RNF213: variants seen among roughly 807,000 people sequenced by gnomAD.
The protein encoded by RNF213 is ring finger protein 213, also known as E3 ubiquitin-protein ligase RNF213.
Under a neutral mutation model 514.4 loss-of-function variants are expected in RNF213, and 341 were observed. The ratio of observed to expected loss-of-function variants is 0.66; its 90% CI spans 0.61 to 0.73. The LOEUF (loss-of-function observed/expected upper bound fraction) is 0.73. Ranked by LOEUF, RNF213 falls within the 30% of genes least tolerant of loss-of-function variation. The pLI is 0.00. For missense variants in RNF213, 5,767 were observed against 6,615.6 expected (o/e 0.87, Z 4.45); for synonymous variants, 2,655 against 2,658.2 (o/e 1.00, Z 0.04).
At chr17:80,266,291 G>GA (rs958622210) in intron 2 of RNF213, among the ~76,000 whole-genome samples, 12 of 136,488 alleles carry the variant, frequency 8.8e-5, no homozygotes, top group Admixed American at 4.2e-4. Flanking sequence ...AAAAAAAAAA[G>GA]AAAAAAAAAT....
At chr17:80,363,478 T>A in intron 40 of RNF213, 131 bp from the exon 41 acceptor site, 1 of 1,243,152 alleles carries the variant, frequency 8.0e-7, no homozygotes, top group Non-Finnish European at 1.2e-6. Context: ...CTGACGCTTC[T>A]CACATCCTAG....
chr17:80,308,320 G>A (rs1040712312), intron 13 of RNF213, among the ~76,000 whole-genome samples: 7 of 151,874 alleles, frequency 4.6e-5, no homozygotes, highest in Admixed American at 4.6e-4. Flanking sequence ...CTCAGCCCAG[G>A]GAGTCCTTTC....
Position 80,346,048 on chromosome 17 carries a change from G to A in RNF213, c.7713G>A (p.Leu2571=). The change falls in exon 29 of 68, where the codon CTG becomes CTA. Residue 2571 remains leucine (L), a synonymous_variant. Coordinates refer to ENST00000582970, the MANE Select transcript of RNF213 (RefSeq NM_001256071.3). The surrounding 1 kb of genome is among the most constrained non-coding windows in gnomAD (Gnocchi z 8.1). ...AGCTGGTATACCGGGTCCATGCTCTGCCCCCGAGCCTGATTCCTCTGGTGT... is the reference window on the plus strand; with the variant it reads ...AGCTGGTATACCGGGTCCATGCTCTACCCCCGAGCCTGATTCCTCTGGTGT... ...LRQLVYRVHA[L]PPSLIPLVWD... 6.2e-7 allele frequency: 1 copy of A among 1,614,098 alleles called. No homozygotes were observed. The highest frequency in any genetic ancestry group is 8.5e-7 in the Non-Finnish European group (1 of 1,180,014).
intron 3 of RNF213, among the ~76,000 whole-genome samples, chr17:80,275,490 GT>G (rs2044021055): frequency 6.6e-6 from 1 of 151,940 alleles, no homozygotes; most frequent in Non-Finnish European, 1.5e-5. Flanking sequence ...ATTTTGAAAA[GT>G]TTCCATGAAT....
At chr17:80,351,544 T>A (rs1366018232) in intron 31 of RNF213, 141 bp from the exon 32 acceptor site, 1 of 611,362 alleles carries the variant, frequency 1.6e-6, no homozygotes, top group Non-Finnish European at 3.0e-6. Flanking sequence ...GTAAAACTCA[T>A]CGGAACGGGT....
Position 80,264,517 on chromosome 17 carries a change from A to G in RNF213, c.97+739A>G, listed in dbSNP as rs1598872487. Among the ~76,000 whole-genome samples the G allele has an allele frequency of 6.6e-6, 1 of 152,022 alleles. No homozygotes were observed. The highest frequency in any genetic ancestry group is 1.9e-4 in the East Asian group (1 of 5,144). On this transcript the variant is annotated intron_variant, in intron 2 of 67. Transcript: ENST00000582970. The surrounding 1 kb of genome is among the most constrained non-coding windows in gnomAD (Gnocchi z 5.0). ...CAACCCTAAAACTAGCAGCCCCCAG[A>G]CCTTCAGCCTTTCTGTGTCCAAAGC...
In RNF213 at chr17:80,369,883, A is replaced by G. The variant is rs574925933; in HGVS notation, c.12425+16A>G. The G allele has an allele frequency of 2.3e-5, 36 of 1,547,168 alleles. No individual in the cohort carries two copies. The Admixed American group carries it at 5.0e-4, about 22-fold the overall frequency. On this transcript the variant is annotated intron_variant, in intron 46 of 67. Coordinates refer to ENST00000582970, the MANE Select transcript of RNF213 (RefSeq NM_001256071.3). The stretch of plus-strand genomic sequence containing the variant: ...TGAAGTACAGGTAAGAACAACATGG[A>G]GACTTGCTTCTGGAAAGCCCTGGCT...
At chr17:80,284,296 G>A (rs953240666) in intron 3 of RNF213, among the ~76,000 whole-genome samples, 5 of 151,994 alleles carry the variant, frequency 3.3e-5, no homozygotes, top group African/African-American at 1.2e-4. Context: ...CTGGGGAGGC[G>A]GAGGTTGCAA....
chr17:80,283,661 C>G (rs1964068355), intron 3 of RNF213, among the ~76,000 whole-genome samples: 1 of 152,160 alleles, frequency 6.6e-6, no homozygotes, highest in Admixed American at 6.5e-5. Flanking sequence ...AGGTCTGAGC[C>G]CTTTGCTACA....
chr17:80,274,852 T>G (rs1598895255), intron 3 of RNF213, among the ~76,000 whole-genome samples: 1 of 36,522 alleles, frequency 2.7e-5, no homozygotes, highest in Non-Finnish European at 5.1e-5. Context: ...GTGAGTGGGG[T>G]GTGTGTTGGG....
In RNF213 at chr17:80,393,840, C is replaced by T; in HGVS notation, c.*342C>T. ...GCCACACACGCAGTAATGACCTGTGCCCGTTCGCCTCTGGCACTGCCCACC... is the reference window on the plus strand; with the variant it reads ...GCCACACACGCAGTAATGACCTGTGTCCGTTCGCCTCTGGCACTGCCCACC... On this transcript the variant is annotated 3_prime_UTR_variant, in exon 68 of 68. Coordinates refer to ENST00000582970, the MANE Select transcript of RNF213 (RefSeq NM_001256071.3). 1 of 292,246 alleles carries T rather than the reference C, an allele frequency of 3.4e-6. No homozygotes were observed. The allele number at this position is 292,246 out of a possible 1,614,324, so 18.1% of individuals were successfully genotyped here.
intron 35 of RNF213, 84 bp downstream of exon 35, chr17:80,354,250 G>A: frequency 1.3e-6 from 2 of 1,538,290 alleles, no homozygotes; most frequent in Non-Finnish European, 1.8e-6. Context: ...TGTGTTGGGG[G>A]ACACCCTCTC....
chr17:80,271,954 T>C (rs1316470071), intron 2 of RNF213, among the ~76,000 whole-genome samples: 2 of 151,364 alleles, frequency 1.3e-5, no homozygotes, highest in Admixed American at 1.3e-4. Flanking sequence ...CACTCCAGCC[T>C]GGGTGACAGA....
chr17:80,277,134 A>G lies in RNF213; in HGVS notation c.261+3730A>G, dbSNP rs118122982. On this transcript the variant is annotated intron_variant, in intron 3 of 67. Coordinates refer to ENST00000582970, the MANE Select transcript of RNF213 (RefSeq NM_001256071.3). ...TGTGCTGTAGCCTGGATGGACCCCAAAAACATGCTAAATGAAAGAAGCCAG... is the reference window on the plus strand; with the variant it reads ...TGTGCTGTAGCCTGGATGGACCCCAGAAACATGCTAAATGAAAGAAGCCAG... Among the ~76,000 whole-genome samples, 946 of 152,242 alleles carry G rather than the reference A, an allele frequency of 6.2e-3. 9 individuals are homozygous for G. The highest frequency in any genetic ancestry group is 0.021 in the South Asian group (102 of 4,820).
chr17:80,298,629 C>A, intron 11 of RNF213, 111 bp downstream of exon 11: 1 of 1,098,354 alleles, frequency 9.1e-7, no homozygotes, highest in Non-Finnish European at 1.4e-6. Flanking sequence ...ATTCTAATGA[C>A]AGAACTAACA....
chr17:80,277,951 G>A (rs1244730033), intron 3 of RNF213, among the ~76,000 whole-genome samples: 1 of 152,244 alleles, frequency 6.6e-6, no homozygotes, highest in Non-Finnish European at 1.5e-5. Context: ...GAGAGGGAAA[G>A]GGCGCACAGA....
chr17:80,357,490 T>A (rs180877466), intron 36 of RNF213, among the ~76,000 whole-genome samples: 1 of 152,310 alleles, frequency 6.6e-6, no homozygotes, highest in Non-Finnish European at 1.5e-5. Context: ...CAGATAAACA[T>A]GTGCCTTCTT....
rs2078632128 is a variant in RNF213 at position 80,353,957 on chromosome 17, G to A, written c.10579-62G>A. On this transcript the variant is annotated intron_variant, in intron 34 of 67. Coordinates refer to ENST00000582970, the MANE Select transcript of RNF213 (RefSeq NM_001256071.3). The surrounding 1 kb of genome is among the most constrained non-coding windows in gnomAD (Gnocchi z 5.0). ...TTGAGACCCTCATCGCATACGGGCG[G>A]TTTGGCTTTTGCCCACTGTGTCAGT... 1.9e-6 allele frequency: 3 copies of A among 1,607,828 alleles called. No homozygotes were observed. In the East Asian group the frequency reaches 6.7e-5, roughly 36 times the overall value.
At chr17:80,280,915 C>T (rs2044234007) in intron 3 of RNF213, among the ~76,000 whole-genome samples, 2 of 152,160 alleles carry the variant, frequency 1.3e-5, no homozygotes, top group Non-Finnish European at 1.5e-5. Context: ...CCTGGGGATG[C>T]GCACGGAGCA....
Sources: allele counts gnomAD v4.1 joint callset (sites outside exome capture counted in the v4.1 genomes callset), GRCh38; gene constraint gnomAD v4.1.1; non-coding constraint Gnocchi (gnomAD v3.1); transcripts MANE v1.5; gene names NCBI Gene and HGNC (gene_info 2026-07-23, HGNC 2026-07-21).